Variants in STXBP5 observed in about 807,000 individuals in gnomAD.
STXBP5 encodes the protein syntaxin-binding protein 5.
STXBP5 carries 50 observed loss-of-function variants against 152.4 expected under a neutral mutation model. That is an observed-to-expected ratio of 0.33 (90% CI 0.26 to 0.42). STXBP5 has a LOEUF of 0.42. STXBP5 is among the 10% of genes least tolerant of loss of function. The pLI is 1.00. For synonymous variants in STXBP5, 492 were observed against 494.7 expected (o/e 0.99, Z 0.07); for missense variants, 1,167 against 1,388.6 (o/e 0.84, Z 2.54).
At chr6:147,218,182 T>C (rs1462322705) in intron 2 of STXBP5, among the ~76,000 whole-genome samples, 1 of 152,188 alleles carries the variant, frequency 6.6e-6, no homozygotes, top group Non-Finnish European at 1.5e-5. Flanking sequence ...TGAATCTACA[T>C]TGACACATCA....
In STXBP5 at chr6:147,204,639, A is replaced by G. The variant is rs1282564075; in HGVS notation, c.107A>G (p.Glu36Gly). The change falls in exon 1 of 28, where the codon GAG (glutamate) becomes GGG (glycine). Residue 36 changes from glutamate (E) to glycine (G), a missense_variant. By Grantham distance (98) the Glu-to-Gly change is moderately conservative. This residue lies in a region of STXBP5 where 310 missense variants were observed against 346.1 expected (regional missense o/e 0.90). Transcript: ENST00000321680. This position sits in a 1 kb window ranked among gnomAD's most constrained non-coding sequence, Gnocchi z 4.3. ...CATCCGCCTGGGAACCGGGAGCCGG[A>G]GATCCAGGAAACGCTCCAGTCCGAG... ...QQHPPGNREP[E>G]IQETLQSEHF... is the part of the protein sequence containing the mutation. 6.2e-7 allele frequency: 1 copy of G among 1,610,586 alleles called. No homozygotes were observed. Among genetic ancestry groups the G allele is most frequent in the East Asian group, 2.3e-5 (1 of 44,286 alleles).
intron 22 of STXBP5, among the ~76,000 whole-genome samples, chr6:147,358,868 A>C (rs1333503707): frequency 6.6e-6 from 1 of 152,128 alleles, no homozygotes; most frequent in East Asian, 1.9e-4. Flanking sequence ...TTGCTGTCTC[A>C]GGGGTAGCAG....
At chr6:147,322,111 T>A (rs1004168299) in intron 16 of STXBP5, among the ~76,000 whole-genome samples, 44 of 152,204 alleles carry the variant, frequency 2.9e-4, no homozygotes, top group African/African-American at 8.7e-4. Flanking sequence ...TGAGAATTTG[T>A]CGTGCACATT....
intron 4 of STXBP5, among the ~76,000 whole-genome samples, chr6:147,259,112 A>AT (rs1654454118): frequency 3.9e-5 from 6 of 152,138 alleles, no homozygotes; most frequent in Admixed American, 3.9e-4. Context: ...TTATTTATAT[A>AT]TTTTTAAAAA....
At chr6:147,362,980 C>G (rs1386415778) in intron 23 of STXBP5, among the ~76,000 whole-genome samples, 1 of 152,228 alleles carries the variant, frequency 6.6e-6, no homozygotes, top group Non-Finnish European at 1.5e-5. Context: ...TCCACTTGCT[C>G]TCCTGCTGAC....
At chr6:147,309,726 G>A (rs1782270901) in intron 9 of STXBP5, among the ~76,000 whole-genome samples, 1 of 151,974 alleles carries the variant, frequency 6.6e-6, no homozygotes, top group African/African-American at 2.4e-5. Context: ...ATTCTCTGTG[G>A]GAGCTTCTAT....
chr6:147,206,774 C>T (rs1304103128), intron 2 of STXBP5, among the ~76,000 whole-genome samples: 1 of 151,986 alleles, frequency 6.6e-6, no homozygotes, highest in East Asian at 1.9e-4. Context: ...TTAGTTTTAT[C>T]AAGCATTTTT....
At chr6:147,378,356 A>C (rs1785912196) in intron 26 of STXBP5, among the ~76,000 whole-genome samples, 1 of 151,986 alleles carries the variant, frequency 6.6e-6, no homozygotes, top group African/African-American at 2.4e-5. Flanking sequence ...AATAAAGATA[A>C]TATACCAAGA....
intron 25 of STXBP5, among the ~76,000 whole-genome samples, chr6:147,365,594 A>AAAG (rs1785255732): frequency 2.0e-5 from 3 of 152,182 alleles, no homozygotes; most frequent in Admixed American, 6.5e-5. Flanking sequence ...CTATATTTTA[A>AAAG]ACTATCTGCT....
intron 16 of STXBP5, among the ~76,000 whole-genome samples, chr6:147,317,257 A>G (rs1562483198): frequency 1.3e-5 from 2 of 152,206 alleles, no homozygotes; most frequent in African/African-American, 4.8e-5. Flanking sequence ...CTACTGGTAG[A>G]TAAATAATTT....
In STXBP5 at chr6:147,213,477, T is replaced by TGTGTGCGCGCGCGCGC; in HGVS notation, c.248+7410_248+7411insTGTGCGCGCGCGCGCG. Among the ~76,000 whole-genome samples, 141 of 131,312 alleles carry TGTGTGCGCGCGCGCGC rather than the reference T, an allele frequency of 1.1e-3. 1 individual carries two copies. The highest frequency in any genetic ancestry group is 4.2e-3 in the African/African-American group (133 of 31,352). The allele number at this position is 131,312 out of a possible 152,430, so 86.1% of individuals were successfully genotyped here. ...GTGTGTGTGTGTGTGTGTGTGTGTGTGCGCGCGCATATATATATTTTTTCT... is the reference window on the plus strand; with the variant it reads ...GTGTGTGTGTGTGTGTGTGTGTGTGTGTGTGCGCGCGCGCGCGCGCGCGCATATATATATTTTTTCT... On this transcript the variant is annotated intron_variant, in intron 2 of 27. Coordinates refer to ENST00000321680, the MANE Select transcript of STXBP5 (RefSeq NM_001127715.4).
rs764573214 is a variant in STXBP5 at position 147,291,188 on chromosome 6, A to G, written c.917+16A>G. On this transcript the variant is annotated intron_variant, in intron 9 of 27. Coordinates refer to ENST00000321680, the MANE Select transcript of STXBP5 (RefSeq NM_001127715.4). ...CTAGATCTGGGTAAGATTTTACTTCATTGCCAATGTTCATTGTATATAAGT... is the reference window on the plus strand; with the variant it reads ...CTAGATCTGGGTAAGATTTTACTTCGTTGCCAATGTTCATTGTATATAAGT... 8.1e-6 allele frequency: 13 copies of G among 1,603,906 alleles called. No homozygotes were observed. The highest frequency in any genetic ancestry group is 4.5e-5 in the East Asian group (2 of 44,634).
intron 4 of STXBP5, among the ~76,000 whole-genome samples, chr6:147,247,211 C>A (rs1778852449): frequency 6.6e-6 from 1 of 152,154 alleles, no homozygotes. Context: ...GAAACAAAGA[C>A]ACAGAATTAT....
chr6:147,339,151 A>G (rs41285879), intron 19 of STXBP5, 28 bp from the exon 20 acceptor site: 164 of 1,523,648 alleles, frequency 1.1e-4, no homozygotes, highest in Middle Eastern at 4.4e-4. Flanking sequence ...CCATCTACCT[A>G]TTCCTTCCGT....
At chr6:147,212,528 T>A (rs1212848961) in intron 2 of STXBP5, among the ~76,000 whole-genome samples, 1 of 152,198 alleles carries the variant, frequency 6.6e-6, no homozygotes. Flanking sequence ...GAAATTGGGA[T>A]GTGTTATTTC....
rs148468946 is a variant in STXBP5 at position 147,285,317 on chromosome 6, A to G, written c.839-5777A>G. On this transcript the variant is annotated intron_variant, in intron 8 of 27. Coordinates refer to ENST00000321680, the MANE Select transcript of STXBP5 (RefSeq NM_001127715.4). ...AAATCCCCTAAATGTCTTTCCATTT[A>G]TATGTGCTTAAAATCATGGGTAGTA... 9.6e-4 allele frequency among the ~76,000 whole-genome samples: 146 copies of G among 152,302 alleles called. 1 individual carries two copies. Among genetic ancestry groups the G allele is most frequent in the Middle Eastern group, 6.8e-3 (2 of 294 alleles).
rs9390459 is a variant in STXBP5 at position 147,359,223 on chromosome 6, A to G, written c.2445A>G (p.Leu815=). The change falls in exon 23 of 28, where the codon CTA becomes CTG. Residue 815 remains leucine (L), a synonymous_variant. Coordinates refer to ENST00000321680, the MANE Select transcript of STXBP5 (RefSeq NM_001127715.4). ...RKTDSSPSPC[L]WVGTTLGTVL... Reference sequence around the variant, plus strand: ...CGGACTCGTCCCCTTCCCCTTGTCTATGGGTTGGAACAACGCTAGGAACAG... The same window carrying G: ...CGGACTCGTCCCCTTCCCCTTGTCTGTGGGTTGGAACAACGCTAGGAACAG... 896,589 of 1,613,772 alleles carry G rather than the reference A, an allele frequency of 0.56. 251,496 individuals carry two copies. Among genetic ancestry groups the G allele is most frequent in the African/African-American group, 0.58 (43,523 of 74,954 alleles).
rs567410308 is a variant in STXBP5, at chr6:147,326,061, G to A, written c.1928+977G>A. On this transcript the variant is annotated intron_variant, in intron 17 of 27. Coordinates refer to ENST00000321680, the MANE Select transcript of STXBP5 (RefSeq NM_001127715.4). ...TTTTGTATTGAGGACTTGAACATCC[G>A]CAGATTTTAGTATCTGTGGGGGTCC... Among the ~76,000 whole-genome samples, 28 of 152,172 alleles carry A rather than the reference G, an allele frequency of 1.8e-4. No homozygotes were observed. In the East Asian group the frequency reaches 4.8e-3, roughly 26 times the overall value.
intron 23 of STXBP5, 151 bp from the exon 24 acceptor site, chr6:147,363,184 C>A: frequency 1.3e-6 from 1 of 781,678 alleles, no homozygotes; most frequent in African/African-American, 1.7e-5. Flanking sequence ...AAATACCACG[C>A]TTAAAGTCCG....
Sources: gnomAD v4.1 joint callset for allele counts (sites outside exome capture counted in the v4.1 genomes callset) on GRCh38, gnomAD v4.1.1 for gene constraint, gnomAD v4.1.1 regional missense constraint, Gnocchi (gnomAD v3.1) non-coding constraint, MANE v1.5 for transcripts, NCBI Gene and HGNC (gene_info 2026-07-23, HGNC 2026-07-21) for gene names.